The following MTA3 variants were observed in gnomAD, a reference collection of about 807,000 sequenced individuals.
The protein encoded by MTA3 is metastasis associated 1 family member 3.
A neutral mutation model predicts 83.5 loss-of-function variants in MTA3; 34 were observed. The ratio of observed to expected loss-of-function variants is 0.41; its 90% CI spans 0.31 to 0.54. MTA3 has a LOEUF of 0.54. Ranked by LOEUF, MTA3 falls within the 20% of genes least tolerant of loss-of-function variation. MTA3 has a pLI of 0.33. For missense variants in MTA3, 761 were observed against 726.4 expected (o/e 1.05, Z -0.55); for synonymous variants, 303 against 252.7 (o/e 1.20, Z -1.89).
At chr2:42,691,526 G>T (rs1173279626) in intron 9 of MTA3, among the ~76,000 whole-genome samples, 1 of 152,006 alleles carries the variant, frequency 6.6e-6, no homozygotes, top group Non-Finnish European at 1.5e-5. Context: ...TTTAGGCTTT[G>T]TGCTTAAGAC....
intron 2 of MTA3, among the ~76,000 whole-genome samples, chr2:42,510,685 G>A (rs375462038): frequency 6.6e-6 from 1 of 152,158 alleles, no homozygotes. Flanking sequence ...GTTGCCCTGG[G>A]GGTAGATTGA....
intron 4 of MTA3, among the ~76,000 whole-genome samples, chr2:42,630,311 C>T (rs1041191967): frequency 6.6e-6 from 1 of 152,124 alleles, no homozygotes; most frequent in Admixed American, 6.5e-5. Context: ...TCTTGTCAAC[C>T]TTGTGGGGAC....
rs941590992 is a variant in MTA3 at position 42,505,156 on chromosome 2, G to A, written c.-141+9902G>A. Among the ~76,000 whole-genome samples, 8 of 152,270 alleles carry A rather than the reference G, an allele frequency of 5.3e-5. No individual in the cohort carries two copies. The East Asian group carries it at 1.2e-3, about 22-fold the overall frequency. On this transcript the variant is annotated intron_variant, in intron 2 of 17. Coordinates refer to the MTA3 transcript ENST00000405592. ...TGACTGTAATCCCATCACTTTGGGA[G>A]GCTGAGGTGGGTGGATCACGAGGTC...
chr2:42,649,256 G>C (rs1688485734), intron 6 of MTA3, among the ~76,000 whole-genome samples: 1 of 152,102 alleles, frequency 6.6e-6, no homozygotes, highest in African/African-American at 2.4e-5. Context: ...AATTAGCCGA[G>C]TGTGGTGGCG....
intron 4 of MTA3, among the ~76,000 whole-genome samples, chr2:42,626,278 A>C (rs554754572): frequency 6.7e-6 from 1 of 148,838 alleles, no homozygotes; most frequent in Admixed American, 6.8e-5. Context: ...CAAGGTAGTA[A>C]GGCTGAACAG....
intron 16 of MTA3, among the ~76,000 whole-genome samples, chr2:42,744,132 C>G (rs552973436): frequency 6.6e-6 from 1 of 152,082 alleles, no homozygotes; most frequent in African/African-American, 2.4e-5. Context: ...AGCAATATAG[C>G]GGAGTACCTT....
intron 14 of MTA3, among the ~76,000 whole-genome samples, chr2:42,710,169 A>G (rs1000335230): frequency 2.0e-5 from 3 of 152,188 alleles, no homozygotes; most frequent in Non-Finnish European, 2.9e-5. Context: ...TGAAAAAAAC[A>G]TTTTTTGTTC....
chr2:42,629,994 G>A (rs536473794), intron 4 of MTA3, among the ~76,000 whole-genome samples: 25 of 152,052 alleles, frequency 1.6e-4, no homozygotes, highest in Admixed American at 2.6e-4. Context: ...GTTGGCCAGG[G>A]TGGTCTCCTG....
chr2:42,702,380 G>C (rs1428202328), intron 11 of MTA3: 1 of 152,204 alleles, frequency 6.6e-6, no homozygotes, highest in Non-Finnish European at 1.5e-5. Flanking sequence ...AGTGTCACCT[G>C]ATAGTTGTAA....
At chr2:42,679,335 C>T (rs762176839) in intron 8 of MTA3, among the ~76,000 whole-genome samples, 34 of 152,206 alleles carry the variant, frequency 2.2e-4, no homozygotes, top group African/African-American at 6.5e-4. Context: ...TCAACTAAGG[C>T]GGGGAATAGT....
intron 4 of MTA3, among the ~76,000 whole-genome samples, chr2:42,632,506 G>A (rs1278452351): frequency 8.5e-5 from 13 of 152,270 alleles, no homozygotes; most frequent in Non-Finnish European, 4.4e-5. Flanking sequence ...TCTTGTCCAG[G>A]AGAGGAGGAT....
chr2:42,515,166 C>G (rs1200398197), intron 2 of MTA3, among the ~76,000 whole-genome samples: 1 of 152,004 alleles, frequency 6.6e-6, no homozygotes, highest in Non-Finnish European at 1.5e-5. Flanking sequence ...TCAAGCAATT[C>G]TCCTGCCTCA....
chr2:42,597,261 C>T (rs1681913926), intron 3 of MTA3, among the ~76,000 whole-genome samples: 1 of 151,812 alleles, frequency 6.6e-6, no homozygotes, highest in African/African-American at 2.4e-5. Context: ...AATGGGGTCT[C>T]ACCGTGTTGC....
At position 42,607,154 on chromosome 2, in the gene MTA3, G is replaced by A. The variant is rs75197985; in HGVS notation, c.191-2304G>A. Among the ~76,000 whole-genome samples, 703 of 152,214 alleles carry A rather than the reference G, an allele frequency of 4.6e-3. 8 individuals carry two copies. The highest frequency in any genetic ancestry group is 0.016 in the African/African-American group (644 of 41,526). ...GGGTAGAGCTCTGAATGTTTCTTGA[G>A]GTTCACTTTTACCCCGCAAGTAAAA... On this transcript the variant is annotated intron_variant, in intron 3 of 16. Transcript: ENST00000405094.
intron 3 of MTA3, among the ~76,000 whole-genome samples, chr2:42,586,897 C>G (rs1680397132): frequency 6.6e-6 from 1 of 152,176 alleles, no homozygotes; most frequent in Non-Finnish European, 1.5e-5. Flanking sequence ...GTGGCATGTG[C>G]CTATAGTCCC....
At chr2:42,681,186 A>T (rs942593868) in intron 8 of MTA3, among the ~76,000 whole-genome samples, 2 of 152,238 alleles carry the variant, frequency 1.3e-5, no homozygotes, top group African/African-American at 4.8e-5. Context: ...CTTGAAATAT[A>T]TAAGAAAACC....
In MTA3 at chr2:42,747,041, AC is replaced by A. The variant is rs1669492099; in HGVS notation, c.1760-6330del. 2.7e-5 allele frequency among the ~76,000 whole-genome samples: 4 copies of A among 150,916 alleles called. No homozygotes were observed. The South Asian group carries it at 8.4e-4, about 32-fold the overall frequency. On this transcript the variant is annotated intron_variant, in intron 16 of 16. Coordinates refer to ENST00000405094, the MANE Select transcript of MTA3 (RefSeq NM_001330442.2). ...TTTTGAGATGGAGTCTCACTCTGTC[AC>A]CCAGGCTGGAGTGCGGTGGTGTGAT...
upstream of MTA3, among the ~76,000 whole-genome samples, chr2:42,566,017 A>G (rs913664175): frequency 6.6e-6 from 1 of 151,672 alleles, no homozygotes; most frequent in Admixed American, 6.6e-5. Context: ...CTCAAAAAAA[A>G]TTTTTTTTTC....
chr2:42,695,662 G>C, intron 9 of MTA3, 103 bp from the exon 10 acceptor site: 1 of 121,872 alleles, frequency 8.2e-6, no homozygotes, highest in Non-Finnish European at 1.5e-5. Flanking sequence ...AAAAAAAAAA[G>C]AAAGTGGTGG....
Sources: allele counts gnomAD v4.1 joint callset (sites outside exome capture counted in the v4.1 genomes callset), GRCh38; gene constraint gnomAD v4.1.1; transcripts MANE v1.5; gene names NCBI Gene and HGNC (gene_info 2026-07-23, HGNC 2026-07-21).